CHD7: variants seen among roughly 807,000 people sequenced by gnomAD.
The protein encoded by CHD7 is ATP-dependent chromatin remodeler CHD7.
In CHD7, 24 loss-of-function variants were observed where a neutral mutation model predicts 307.3. The observed-to-expected ratio is 0.08, with a 90% confidence interval of 0.06 to 0.11. The LOEUF is 0.11. CHD7 is among the 10% of genes least tolerant of loss of function. CHD7 has a pLI of 1.00. For synonymous variants in CHD7, 1,363 were observed against 1,349.9 expected (o/e 1.01, Z -0.21); for missense variants, 3,106 against 3,727.1 (o/e 0.83, Z 4.34).
At chr8:60,754,100 C>A (rs1013468843) in intron 2 of CHD7, among the ~76,000 whole-genome samples, 2 of 152,112 alleles carry the variant, frequency 1.3e-5, no homozygotes, top group African/African-American at 4.8e-5. Flanking sequence ...AGCCTCTCAC[C>A]CCTCCACTAT....
At chr8:60,684,387 C>T (rs1805778731) in intron 1 of CHD7, among the ~76,000 whole-genome samples, 2 of 152,118 alleles carry the variant, frequency 1.3e-5, no homozygotes, top group Non-Finnish European at 2.9e-5. Context: ...GTACCTGCTA[C>T]CTGAAAGATG....
intron 1 of CHD7, among the ~76,000 whole-genome samples, chr8:60,698,099 C>A (rs1806574601): frequency 6.6e-6 from 1 of 152,210 alleles, no homozygotes. Context: ...GTACTGCTAA[C>A]CACTTACAGC....
In CHD7 at chr8:60,856,220, G is replaced by A. The variant is rs1409394704; in HGVS notation, c.7164+18G>A. The stretch of plus-strand genomic sequence containing the variant: ...TGTCAAAGGTGAATTAGAATGGCTT[G>A]TTTCTGCAGCTTAAAAGGGAGCTCT... On this transcript the variant is annotated intron_variant, in intron 33 of 37. Transcript: ENST00000423902. 6.5e-7 allele frequency: 1 copy of A among 1,538,652 alleles called. No individual in the cohort carries two copies.
In CHD7 at chr8:60,821,140, C is replaced by T. The variant is rs192192290; in HGVS notation, c.2698-650C>T. Reference sequence around the variant, plus strand: ...AGGTAGAGATCCTAATAAATTTAAGCGTATGTCTCATTTTTTAAGAAACCA... The same window carrying T: ...AGGTAGAGATCCTAATAAATTTAAGTGTATGTCTCATTTTTTAAGAAACCA... On this transcript the variant is annotated intron_variant, in intron 9 of 37. Transcript: ENST00000423902. Among the ~76,000 whole-genome samples, 11 of 152,144 alleles carry T rather than the reference C, an allele frequency of 7.2e-5. No individual in the cohort carries two copies. The East Asian group carries it at 9.6e-4, about 13-fold the overall frequency.
intron 2 of CHD7, among the ~76,000 whole-genome samples, chr8:60,777,080 T>G (rs916310460): frequency 6.6e-6 from 1 of 152,200 alleles, no homozygotes; most frequent in Non-Finnish European, 1.5e-5. Context: ...CACAAGTGCC[T>G]CCTCCTCATT....
At chr8:60,789,343 C>A (rs997304907) in intron 3 of CHD7, among the ~76,000 whole-genome samples, 2 of 152,206 alleles carry the variant, frequency 1.3e-5, no homozygotes, top group Non-Finnish European at 2.9e-5. Context: ...TGCTTTAATA[C>A]CTTTCAGTCT....
At chr8:60,752,021 A>G (rs1212246432) in intron 2 of CHD7, among the ~76,000 whole-genome samples, 1 of 152,196 alleles carries the variant, frequency 6.6e-6, no homozygotes, top group African/African-American at 2.4e-5. Context: ...GTTTAATATT[A>G]ATGAAGACTA....
chr8:60,774,405 A>G (rs533374649), intron 2 of CHD7, among the ~76,000 whole-genome samples: 2 of 152,346 alleles, frequency 1.3e-5, no homozygotes, highest in Admixed American at 1.3e-4. Context: ...ACAACAGATG[A>G]TTAAAGGAAA....
intron 2 of CHD7, among the ~76,000 whole-genome samples, chr8:60,775,845 A>C (rs1009323835): frequency 2.6e-5 from 4 of 151,804 alleles, no homozygotes; most frequent in African/African-American, 4.8e-5. Flanking sequence ...GCAACCTCCA[A>C]CTCCCGGGTT....
At chr8:60,765,073 G>A (rs1338656165) in intron 2 of CHD7, among the ~76,000 whole-genome samples, 1 of 152,202 alleles carries the variant, frequency 6.6e-6, no homozygotes, top group East Asian at 1.9e-4. Context: ...ATGAGCAGCT[G>A]CAGTACCCAG....
At chr8:60,765,771 C>T (rs11986627) in intron 2 of CHD7, among the ~76,000 whole-genome samples, 15,199 of 152,156 alleles carry the variant, frequency 0.1, 1,689 homozygotes, top group African/African-American at 0.27. Context: ...CAGGGAATCA[C>T]CAGTCAGTTG....
intron 1 of CHD7, among the ~76,000 whole-genome samples, chr8:60,713,469 G>A (rs1421899697): frequency 1.3e-5 from 2 of 152,058 alleles, no homozygotes; most frequent in African/African-American, 2.4e-5. Flanking sequence ...TCGTAAGCAT[G>A]CTTTCTTAGC....
Position 60,744,652 on chromosome 8 carries a change from A to G in CHD7, c.1665+1555A>G, listed in dbSNP as rs772549305. Among the ~76,000 whole-genome samples the G allele has an allele frequency of 1.4e-4, 22 of 152,052 alleles. No homozygotes were observed. In the East Asian group the frequency reaches 2.5e-3, roughly 17 times the overall value. On this transcript the variant is annotated intron_variant, in intron 2 of 37. Coordinates refer to ENST00000423902, the MANE Select transcript of CHD7 (RefSeq NM_017780.4). ...CAGATCATCTGAGATCAGGAGTTCA[A>G]TGCCAAACTGGCCAACATGGTGAAA...
chr8:60,773,756 G>A (rs1037950545), intron 2 of CHD7, among the ~76,000 whole-genome samples: 1 of 152,148 alleles, frequency 6.6e-6, no homozygotes, highest in Non-Finnish European at 1.5e-5. Context: ...ATTAGGCCTC[G>A]ATATTGATTG....
intron 2 of CHD7, among the ~76,000 whole-genome samples, chr8:60,747,139 C>T (rs1390463464): frequency 3.9e-5 from 6 of 152,284 alleles, no homozygotes; most frequent in South Asian, 4.1e-4. Flanking sequence ...GGCAGTGGCG[C>T]GTTCTTGGCT....
chr8:60,750,434 T>C (rs1809582353), intron 2 of CHD7, among the ~76,000 whole-genome samples: 1 of 152,214 alleles, frequency 6.6e-6, no homozygotes, highest in South Asian at 2.1e-4. Flanking sequence ...AAGTATAACA[T>C]TTCTGGCTGT....
chr8:60,740,456 T>G (rs899780719), intron 1 of CHD7, among the ~76,000 whole-genome samples: 2 of 152,204 alleles, frequency 1.3e-5, no homozygotes, highest in African/African-American at 2.4e-5. Flanking sequence ...ATAATGAGCC[T>G]GGTGATTGGG....
At chr8:60,712,483 G>A (rs1004080902) in intron 1 of CHD7, among the ~76,000 whole-genome samples, 7 of 152,090 alleles carry the variant, frequency 4.6e-5, no homozygotes, top group African/African-American at 1.4e-4. Context: ...CTCCTGCATC[G>A]GATGCCTCAT....
In CHD7 at chr8:60,692,312, A is replaced by G. The variant is rs148981783; in HGVS notation, c.-175+13230A>G. 3.2e-3 allele frequency among the ~76,000 whole-genome samples: 484 copies of G among 152,346 alleles called. 1 individual carries two copies. Among genetic ancestry groups the G allele is most frequent in the African/African-American group, 0.011 (448 of 41,588 alleles). On this transcript the variant is annotated intron_variant, in intron 1 of 37. Coordinates refer to ENST00000423902, the MANE Select transcript of CHD7 (RefSeq NM_017780.4). Reference sequence around the variant, plus strand: ...AACCATAGTCTTTAAAGGTGGTGCTAAAAGGGTAGAAGATAGATTGCTTTG... The same window carrying G: ...AACCATAGTCTTTAAAGGTGGTGCTGAAAGGGTAGAAGATAGATTGCTTTG...
Sources: gnomAD v4.1 joint callset for allele counts (sites outside exome capture counted in the v4.1 genomes callset) on GRCh38, gnomAD v4.1.1 for gene constraint, MANE v1.5 for transcripts, NCBI Gene and HGNC (gene_info 2026-07-23, HGNC 2026-07-21) for gene names.